ITGA4: variants seen among roughly 807,000 people sequenced by gnomAD.
ITGA4 encodes the protein integrin alpha-4.
A neutral mutation model predicts 133.6 loss-of-function variants in ITGA4; 63 were observed. The observed-to-expected ratio is 0.47, with a 90% CI of 0.38 to 0.58. The LOEUF (loss-of-function observed/expected upper bound fraction) is 0.58, where lower values mean the gene tolerates loss of function less well. Ranked by LOEUF, ITGA4 falls within the 20% of genes least tolerant of loss-of-function variation. The pLI, the probability that ITGA4 is intolerant of heterozygous loss-of-function variation, is 0.00. For missense variants in ITGA4, 1,076 were observed against 1,252.7 expected, an observed-to-expected ratio of 0.86 and a Z score of 2.13; for synonymous variants, 483 against 438.0, an observed-to-expected ratio of 1.10 and a Z score of -1.28.
At chr2:181,478,622 A>C in intron 4 of ITGA4, 135 bp from the exon 5 acceptor site, 1 of 428,918 alleles carries the variant, frequency 2.3e-6, no homozygotes, top group Non-Finnish European at 4.3e-6. Context: ...TTGTTATATC[A>C]AGGTTACTGG....
intron 24 of ITGA4, among the ~76,000 whole-genome samples, 184 bp from the exon 25 acceptor site, chr2:181,531,473 A>G (rs1333730413): frequency 6.6e-6 from 1 of 152,244 alleles, no homozygotes; most frequent in Non-Finnish European, 1.5e-5. Context: ...TAGAAAACAA[A>G]CATTCATGTC....
intron 9 of ITGA4, among the ~76,000 whole-genome samples, chr2:181,484,918 G>A (rs779794578): frequency 2.0e-5 from 3 of 152,294 alleles, no homozygotes; most frequent in East Asian, 3.9e-4. Flanking sequence ...CTTAAGAGGT[G>A]CCAAGTAAAT....
rs1294330666 is a variant in ITGA4, at chr2:181,457,682, G to A, written c.28G>A (p.Gly10Ser). ...GGCTTGGGAAGCGAGGCGCGAACCC[G>A]GCCCCCGAAGGGCCGCCGTCCGGGA... is the stretch of plus-strand genomic sequence containing the variant. Reference protein sequence around the residue: MAWEARREPGPRRAAVRETV... With the variant: MAWEARREPSPRRAAVRETV... The change falls in exon 1 of 28, where the codon GGC becomes AGC. Residue 10 changes from glycine to serine, a missense_variant. By Grantham distance (56) the Gly-to-Ser change is moderately conservative (BLOSUM62 0). Coordinates refer to ENST00000397033, the MANE Select transcript of ITGA4 (RefSeq NM_000885.6). 3.1e-6 allele frequency: 5 copies of A among 1,610,742 alleles called. No homozygotes were observed. Among genetic ancestry groups the A allele is most frequent in the African/African-American group, 1.3e-5 (1 of 74,678 alleles).
chr2:181,492,503 T>C (rs1686072834), intron 10 of ITGA4, among the ~76,000 whole-genome samples: 1 of 152,180 alleles, frequency 6.6e-6, no homozygotes, highest in South Asian at 2.1e-4. Flanking sequence ...AGTAAATATA[T>C]GCATAAATAG....
rs141598148 is a variant in ITGA4, at chr2:181,526,238, C to T, written c.2339+947C>T. On this transcript the variant is annotated intron_variant, in intron 21 of 27. Transcript: ENST00000397033. The stretch of plus-strand genomic sequence containing the variant: ...TTCCTGGTTTTCAGTGTTTATCTTG[C>T]CACTCCTCCTGGCTTATGATGAGTG... 1.5e-3 allele frequency among the ~76,000 whole-genome samples: 222 copies of T among 152,250 alleles called. 1 individual carries two copies. Among genetic ancestry groups the T allele is most frequent in the Non-Finnish European group, 2.7e-3 (183 of 68,018 alleles).
At chr2:181,465,389 C>T (rs1339307599) in intron 2 of ITGA4, among the ~76,000 whole-genome samples, 2 of 152,038 alleles carry the variant, frequency 1.3e-5, no homozygotes, top group Non-Finnish European at 2.9e-5. Context: ...TCTTCCTGAC[C>T]TCCTTTAATT....
intron 15 of ITGA4, among the ~76,000 whole-genome samples, chr2:181,502,083 C>T (rs1196294916): frequency 6.6e-6 from 1 of 151,750 alleles, no homozygotes; most frequent in Non-Finnish European, 1.5e-5. Context: ...AGTGTGGCAT[C>T]CTGGAAGTGA....
intron 23 of ITGA4, 96 bp from the exon 24 acceptor site, chr2:181,530,428 C>T: frequency 8.8e-7 from 1 of 1,135,060 alleles, no homozygotes; most frequent in Non-Finnish European, 1.2e-6. Context: ...TATATTTTAG[C>T]AAAGATAAGC....
chr2:181,523,991 A>G lies in ITGA4; in HGVS notation c.2170-180A>G, dbSNP rs1048741746. 2.0e-5 allele frequency among the ~76,000 whole-genome samples: 3 copies of G among 152,142 alleles called. No individual in the cohort carries two copies. Among genetic ancestry groups the G allele is most frequent in the Non-Finnish European group, 4.4e-5 (3 of 68,030 alleles). On this transcript the variant is annotated intron_variant, in intron 19 of 27. Coordinates refer to ENST00000397033, the MANE Select transcript of ITGA4 (RefSeq NM_000885.6). This position sits in a 1 kb window ranked among gnomAD's most constrained non-coding sequence, Gnocchi z 4.2. Reference sequence around the variant, plus strand: ...TTACGTGTGGATATGTGTGTACTTTAAAATAGCCACAAACCCAACAACTTC... The same window carrying G: ...TTACGTGTGGATATGTGTGTACTTTGAAATAGCCACAAACCCAACAACTTC...
rs200988565 is a variant in ITGA4, at chr2:181,537,498, C to G, written c.*1971C>G. On this transcript the variant is annotated 3_prime_UTR_variant, in exon 28 of 28. Transcript: ENST00000397033. ...ACAGGGATGGGTTATTCTTTTTTGG[C>G]AGGTAGGCTATATAACTATGTGATT... is the stretch of plus-strand genomic sequence containing the variant. 1 of 453,374 alleles carries G rather than the reference C, an allele frequency of 2.2e-6. No individual in the cohort carries two copies. Among genetic ancestry groups the G allele is most frequent in the Non-Finnish European group, 4.4e-6 (1 of 226,470 alleles). 28.1% of individuals were successfully genotyped at this position (453,374 alleles called of 1,614,324 possible). A position where few individuals can be genotyped will look rare whatever the true frequency, so the allele number is the denominator to read the frequency against.
chr2:181,489,774 T>C (rs1371452927), intron 10 of ITGA4, among the ~76,000 whole-genome samples: 1 of 152,140 alleles, frequency 6.6e-6, no homozygotes, highest in East Asian at 1.9e-4. Flanking sequence ...TTTTACCCAT[T>C]AAGTAATTTC....
chr2:181,522,046 A>G (rs947660099), intron 17 of ITGA4, 145 bp from the exon 18 acceptor site: 1 of 450,414 alleles, frequency 2.2e-6, no homozygotes, highest in Non-Finnish European at 3.9e-6. Context: ...ATCTGCTTGC[A>G]TAGGGTCAAT....
chr2:181,468,587 A>G (rs1685477373), intron 2 of ITGA4, among the ~76,000 whole-genome samples: 1 of 152,196 alleles, frequency 6.6e-6, no homozygotes, highest in African/African-American at 2.4e-5. Flanking sequence ...TGGAGCAATG[A>G]CACTAAAACT....
intron 2 of ITGA4, among the ~76,000 whole-genome samples, chr2:181,474,385 T>C (rs987119155): frequency 1.3e-5 from 2 of 152,206 alleles, no homozygotes; most frequent in Non-Finnish European, 2.9e-5. Flanking sequence ...GTTGAAAACA[T>C]GAGTCATATT....
At chr2:181,499,324 T>C (rs373362664) in intron 15 of ITGA4, among the ~76,000 whole-genome samples, 8 of 152,118 alleles carry the variant, frequency 5.3e-5, no homozygotes, top group East Asian at 1.9e-4. Context: ...TCATGATGGT[T>C]TGGGGTATGT....
At chr2:181,517,490 T>A (rs1486225775) in intron 17 of ITGA4, among the ~76,000 whole-genome samples, 1 of 152,104 alleles carries the variant, frequency 6.6e-6, no homozygotes, top group Non-Finnish European at 1.5e-5. Context: ...TTAAGTTACA[T>A]GGATTCTGTG....
intron 2 of ITGA4, among the ~76,000 whole-genome samples, chr2:181,467,799 T>C (rs1685456256): frequency 6.6e-6 from 1 of 152,216 alleles, no homozygotes; most frequent in Admixed American, 6.5e-5. Flanking sequence ...TGCTATTTTT[T>C]AATTCTAATC....
rs967718619 is a variant in ITGA4 at position 181,457,554 on chromosome 2, C to G, written c.-101C>G. ...GCCCGCTGGCGCCGGACACGCTGCG[C>G]CTCATCTCTTGGGGCGTTCTTCCCC... On this transcript the variant is annotated 5_prime_UTR_variant, in exon 1 of 28. Coordinates refer to ENST00000397033, the MANE Select transcript of ITGA4 (RefSeq NM_000885.6). 38 of 1,075,462 alleles carry G rather than the reference C, an allele frequency of 3.5e-5. No individual in the cohort carries two copies. Among genetic ancestry groups the G allele is most frequent in the Non-Finnish European group, 5.1e-5 (38 of 748,604 alleles). The allele number at this position is 1,075,462 out of a possible 1,614,324, so 66.6% of individuals were successfully genotyped here. A position where few individuals can be genotyped will look rare whatever the true frequency, so the allele number is the denominator to read the frequency against.
chr2:181,482,230 C>T lies in ITGA4; in HGVS notation c.841-130C>T, dbSNP rs141169448. Reference sequence around the variant, plus strand: ...CCAAACCCTTTTGTGTCACTCTCAACAGGATTTATTTTTATATTTGAGCAA... The same window carrying T: ...CCAAACCCTTTTGTGTCACTCTCAATAGGATTTATTTTTATATTTGAGCAA... On this transcript the variant is annotated intron_variant, in intron 7 of 27. Coordinates refer to ENST00000397033, the MANE Select transcript of ITGA4 (RefSeq NM_000885.6). 5.2e-5 allele frequency: 49 copies of T among 936,674 alleles called. No individual in the cohort carries two copies. In the African/African-American group the frequency reaches 8.0e-4, roughly 15 times the overall value. 58.0% of individuals were successfully genotyped at this position (936,674 alleles called of 1,614,324 possible). A position where few individuals can be genotyped will look rare whatever the true frequency, so the allele number is the denominator to read the frequency against.
Sources: gnomAD v4.1 joint callset for allele counts (sites outside exome capture counted in the v4.1 genomes callset) on GRCh38, gnomAD v4.1.1 for gene constraint, Gnocchi (gnomAD v3.1) non-coding constraint, MANE v1.5 for transcripts, NCBI Gene and HGNC (gene_info 2026-07-23, HGNC 2026-07-21) for gene names.